CFAP92: variants seen among roughly 807,000 people sequenced by gnomAD.
The protein encoded by CFAP92 is uncharacterized protein CFAP92.
CFAP92 carries 86 observed loss-of-function variants against 106.3 expected under a neutral mutation model. That is an observed-to-expected ratio of 0.81 (90% confidence interval 0.68 to 0.97). CFAP92 has a LOEUF of 0.97. Among genes scored for constraint, CFAP92 ranks in the 50% least tolerant of loss-of-function variants. The probability of loss-of-function intolerance (pLI) is 0.00; values close to 1 mark genes in which losing one functional copy is unlikely to be tolerated. For missense variants in CFAP92, 1,204 were observed against 1,283.8 expected (o/e 0.94, Z 0.95); for synonymous variants, 477 against 506.4 (o/e 0.94, Z 0.78).
rs7648877 is a variant in CFAP92 at position 128,991,137 on chromosome 3, T to A, written c.262+1906A>T. Among the ~76,000 whole-genome samples the A allele has an allele frequency of 2.6e-5, 4 of 151,982 alleles. No homozygotes were observed. In the East Asian group the frequency reaches 7.7e-4, roughly 29 times the overall value. On this transcript the variant is annotated intron_variant, in intron 2 of 15. Transcript: ENST00000645291. Reference sequence around the variant, plus strand: ...GACAACAACAACAAAAACAAAAACATGCTTAGAAGATGCTGTGAAAGAGAT... The same window carrying A: ...GACAACAACAACAAAAACAAAAACAAGCTTAGAAGATGCTGTGAAAGAGAT...
chr3:128,916,221 C>T lies in CFAP92; in HGVS notation c.2802G>A (p.Val934=). ...GGGCTGAAATTTTAATCACCTTCGC[C>T]ACGGACTTCGGAGGCTTCTTGCTGA... ...YQVSKKPPKS[V]AKVIKISAPA... Residue 934 remains valine, a synonymous_variant, in exon 13 of 16, where the codon GTG becomes GTA. Transcript: ENST00000645291. The T allele has an allele frequency of 8.1e-7, 1 of 1,232,100 alleles. No individual in the cohort carries two copies. Among genetic ancestry groups the T allele is most frequent in the Non-Finnish European group, 1.0e-6 (1 of 987,976 alleles). The allele number at this position is 1,232,100 out of a possible 1,614,324, so 76.3% of individuals were successfully genotyped here. A position where few individuals can be genotyped will look rare whatever the true frequency, so the allele number is the denominator to read the frequency against.
At chr3:128,920,866 C>T (rs1444859169) in intron 12 of CFAP92, among the ~76,000 whole-genome samples, 1 of 152,240 alleles carries the variant, frequency 6.6e-6, no homozygotes, top group Non-Finnish European at 1.5e-5. Flanking sequence ...CACTCCAAGG[C>T]TCATAGATCG....
chr3:128,927,788 T>C (rs1000699621), intron 12 of CFAP92, among the ~76,000 whole-genome samples: 2 of 151,962 alleles, frequency 1.3e-5, no homozygotes, highest in Non-Finnish European at 2.9e-5. Flanking sequence ...GTAATTCAAT[T>C]CATAACACCA....
intron 7 of CFAP92, among the ~76,000 whole-genome samples, chr3:128,974,350 C>T (rs911934907): frequency 3.9e-5 from 6 of 152,326 alleles, no homozygotes; most frequent in African/African-American, 1.4e-4. Context: ...TCCCACCTCA[C>T]ACTGGAAACA....
At chr3:129,007,693 G>A in the CFAP92 span, among the ~76,000 whole-genome samples, 1 of 152,194 alleles carries the variant, frequency 6.6e-6, no homozygotes, top group Non-Finnish European at 1.5e-5. Context: ...CCCAAACTCA[G>A]CTGAATTTAG....
the CFAP92 span, among the ~76,000 whole-genome samples, chr3:129,012,652 A>C: frequency 6.6e-6 from 1 of 152,216 alleles, no homozygotes; most frequent in East Asian, 1.9e-4. Flanking sequence ...GGCCCGGACC[A>C]GGGCACACGC....
At chr3:128,994,245 A>G, upstream of CFAP92, 2 of 660,284 alleles carry the variant, frequency 3.0e-6, no homozygotes, top group Non-Finnish European at 3.8e-6. Context: ...ATCCAGGTTC[A>G]GAAACCAGCT....
intron 1 of CFAP92, among the ~76,000 whole-genome samples, chr3:129,001,134 G>A (rs537002529): frequency 3.0e-3 from 458 of 152,354 alleles, no homozygotes; most frequent in African/African-American, 0.01. Flanking sequence ...TTGGGTGTGG[G>A]GGCACATCCC....
Position 128,965,557 on chromosome 3 carries a change from C to G in CFAP92, c.1307G>C (p.Cys436Ser). 2 of 398,988 alleles carry G rather than the reference C, an allele frequency of 5.0e-6. No individual in the cohort carries two copies. The highest frequency in any genetic ancestry group is 8.8e-6 in the Non-Finnish European group (2 of 226,066). The allele number at this position is 398,988 out of a possible 1,614,324, so 24.7% of individuals were successfully genotyped here. The change falls in exon 9 of 16, where the codon TGT (cysteine) becomes TCT (serine). Residue 436 changes from cysteine (C) to serine (S), a missense_variant. Coordinates refer to ENST00000645291, the MANE Select transcript of CFAP92 (RefSeq NM_001394090.1). ...AGGCTGTGATGGAAGGCAGGAAGCA[C>G]ACTTGATCTTTATGGTCAGGGGATT... ...DLNPLTIKIKCASCLPSQPVP... is the reference protein window; with the variant it reads ...DLNPLTIKIKSASCLPSQPVP...
At chr3:128,915,994 G>T in intron 13 of CFAP92, 113 bp downstream of exon 13, 1 of 695,556 alleles carries the variant, frequency 1.4e-6, no homozygotes, top group Non-Finnish European at 2.0e-6. Context: ...TCCCCTAGCT[G>T]ATTGGCTTTC....
intron 9 of CFAP92, among the ~76,000 whole-genome samples, chr3:128,947,497 A>C (rs775289664): frequency 4.6e-5 from 7 of 152,252 alleles, no homozygotes; most frequent in Non-Finnish European, 8.8e-5. Context: ...TTTACGACTT[A>C]CTACAAAGCT....
chr3:129,004,565 T>C (rs922532595), upstream of CFAP92, among the ~76,000 whole-genome samples: 1 of 131,682 alleles, frequency 7.6e-6, no homozygotes, highest in African/African-American at 2.8e-5. Context: ...CGTCCATCCA[T>C]CCTCCTGTTC....
rs1315462784 is a variant in CFAP92, at chr3:128,915,294, T to A, written c.3124-19A>T. On this transcript the variant is annotated intron_variant, in intron 14 of 15. Transcript: ENST00000645291. Reference sequence around the variant, plus strand: ...TCCACTCCTAAATTGGGGGAGTAAGTAAATCAGGAGGAGAAAGGTCCCTAT... The same window carrying A: ...TCCACTCCTAAATTGGGGGAGTAAGAAAATCAGGAGGAGAAAGGTCCCTAT... 6.5e-7 allele frequency: 1 copy of A among 1,535,952 alleles called. No homozygotes were observed.
chr3:128,933,492 G>A (rs1357954362), intron 11 of CFAP92, among the ~76,000 whole-genome samples: 1 of 152,208 alleles, frequency 6.6e-6, no homozygotes, highest in Non-Finnish European at 1.5e-5. Context: ...GGCCTGGTGT[G>A]CAGTGGGCAT....
intron 12 of CFAP92, among the ~76,000 whole-genome samples, chr3:128,918,760 T>C (rs1185643471): frequency 6.6e-6 from 1 of 152,156 alleles, no homozygotes; most frequent in Non-Finnish European, 1.5e-5. Context: ...CCTAACCATA[T>C]GGTCTTCAGG....
intron 4 of CFAP92, among the ~76,000 whole-genome samples, chr3:128,979,947 A>AATATATATAT (rs375673134): frequency 2.9e-3 from 372 of 128,252 alleles, no homozygotes; most frequent in Middle Eastern, 0.011. Flanking sequence ...AAAGTATAAT[A>AATATATATAT]ATATATATAT....
intron 1 of CFAP92, among the ~76,000 whole-genome samples, chr3:129,000,771 G>A (rs1273111612): frequency 6.6e-6 from 1 of 152,222 alleles, no homozygotes; most frequent in African/African-American, 2.4e-5. Flanking sequence ...AGCACCGGCA[G>A]GCACAAAGGT....
upstream of CFAP92, chr3:129,003,795 TCGGACTCTGGAAGAG>T (rs1215847371): frequency 1.4e-6 from 2 of 1,451,630 alleles, no homozygotes; most frequent in African/African-American, 3.0e-5. Context: ...TCCCCGCAGG[TCGGACTCTGGAAGAG>T]CCAGGCGAGC....
intron 9 of CFAP92, among the ~76,000 whole-genome samples, chr3:128,959,035 A>G (rs1941664353): frequency 6.6e-6 from 1 of 151,786 alleles, no homozygotes; most frequent in African/African-American, 2.4e-5. Flanking sequence ...ACATGGAGAA[A>G]CCCTGTCTCT....
Sources: gnomAD v4.1 joint callset for allele counts (sites outside exome capture counted in the v4.1 genomes callset) on GRCh38, gnomAD v4.1.1 for gene constraint, MANE v1.5 for transcripts, NCBI Gene and HGNC (gene_info 2026-07-23, HGNC 2026-07-21) for gene names.